The following UBE4A variants were observed in gnomAD, a reference collection of about 807,000 sequenced individuals.
UBE4A encodes ubiquitination factor E4A.
UBE4A carries 48 observed loss-of-function variants against 117.9 expected under a neutral mutation model. The observed-to-expected ratio is 0.41, with a 90% confidence interval of 0.32 to 0.52. The LOEUF is 0.52. Ranked by LOEUF, UBE4A falls within the 20% of genes least tolerant of loss-of-function variation. The pLI, the probability that UBE4A is intolerant of heterozygous loss-of-function variation, is 0.33. For missense variants in UBE4A, 1,067 were observed against 1,296.3 expected, an observed-to-expected ratio of 0.82 and a Z score of 2.72; for synonymous variants, 407 against 450.0, an observed-to-expected ratio of 0.90 and a Z score of 1.21.
chr11:118,395,829 C>G (rs1173973991), intron 19 of UBE4A, among the ~76,000 whole-genome samples: 3 of 152,286 alleles, frequency 2.0e-5, no homozygotes, highest in African/African-American at 7.2e-5. Flanking sequence ...TCCCAGCGCA[C>G]TTTGGGAGGC....
chr11:118,382,769 A>G lies in UBE4A; in HGVS notation c.2190A>G (p.Glu730=), dbSNP rs781822596. 3.8e-6 allele frequency: 6 copies of G among 1,584,070 alleles called. No individual in the cohort carries two copies. The highest frequency in any genetic ancestry group is 4.3e-6 in the Non-Finnish European group (5 of 1,160,036). The change falls in exon 13 of 20, where the codon GAA becomes GAG. Residue 730 remains glutamate (E), a synonymous_variant. Coordinates refer to ENST00000252108, the MANE Select transcript of UBE4A (RefSeq NM_001204077.2). ...TAATCAAGGTTTTTGTGGACATCGAATTTACAGGTAAAGCAGTCATGAAGC... is the reference window on the plus strand; with the variant it reads ...TAATCAAGGTTTTTGTGGACATCGAGTTTACAGGTAAAGCAGTCATGAAGC... The part of the protein sequence containing the change: ...EALIKVFVDI[E]FTGDPHQFEQ...
chr11:118,388,983 A>AT (rs1339101095), intron 16 of UBE4A, among the ~76,000 whole-genome samples: 2 of 151,950 alleles, frequency 1.3e-5, no homozygotes, highest in African/African-American at 4.8e-5. Flanking sequence ...ATAAAAAATA[A>AT]TTTTTTTAAA....
At chr11:118,389,657 A>C in intron 16 of UBE4A, 68 bp from the exon 17 acceptor site, 1 of 1,380,690 alleles carries the variant, frequency 7.2e-7, no homozygotes, top group Non-Finnish European at 9.6e-7. Flanking sequence ...GTCTCCAAAT[A>C]AACTATACCT....
chr11:118,388,613 C>T lies in UBE4A; in HGVS notation c.2588-1112C>T, dbSNP rs941538914. On this transcript the variant is annotated intron_variant, in intron 16 of 19. Coordinates refer to ENST00000252108, the MANE Select transcript of UBE4A (RefSeq NM_001204077.2). ...GCAGTGAGCAGAGATCACGCCACTG[C>T]GCTCCAGCCTAGGCAACAGAATGAG... Among the ~76,000 whole-genome samples the T allele has an allele frequency of 6.6e-5, 10 of 150,440 alleles. No individual in the cohort carries two copies. In the East Asian group the frequency reaches 9.7e-4, roughly 15 times the overall value.
At position 118,384,616 on chromosome 11, in the gene UBE4A, C is replaced by T. The variant is rs187122093; in HGVS notation, c.2198-19C>T. On this transcript the variant is annotated intron_variant, in intron 13 of 19. Coordinates refer to ENST00000252108, the MANE Select transcript of UBE4A (RefSeq NM_001204077.2). ...TATGGCACCGCCTTTGCTGATATTTCGCTCTTGCCTTACTCCAGGAGACCC... is the reference window on the plus strand; with the variant it reads ...TATGGCACCGCCTTTGCTGATATTTTGCTCTTGCCTTACTCCAGGAGACCC... The T allele has an allele frequency of 1.1e-5, 18 of 1,606,710 alleles. No individual in the cohort carries two copies. The highest frequency in any genetic ancestry group is 2.2e-5 in the East Asian group (1 of 44,848).
chr11:118,387,409 G>C (rs1439908383), intron 16 of UBE4A, among the ~76,000 whole-genome samples: 4 of 152,130 alleles, frequency 2.6e-5, no homozygotes, highest in African/African-American at 4.8e-5. Context: ...CAGTAAAGGA[G>C]TTAGAAGATA....
intron 15 of UBE4A, 59 bp from the exon 16 acceptor site, chr11:118,386,379 G>A (rs1555127235): frequency 6.5e-6 from 10 of 1,542,972 alleles, no homozygotes. Context: ...CCTCTTAAAT[G>A]TCACGTCCCT....
intron 2 of UBE4A, among the ~76,000 whole-genome samples, chr11:118,367,538 T>G (rs1185414438): frequency 3.1e-5 from 4 of 129,684 alleles, no homozygotes; most frequent in African/African-American, 1.2e-4. Flanking sequence ...TTTTTTTTTT[T>G]GAGACGAAGT....
chr11:118,395,289 A>C (rs1488409940), intron 19 of UBE4A, among the ~76,000 whole-genome samples: 1 of 151,568 alleles, frequency 6.6e-6, no homozygotes, highest in Admixed American at 6.6e-5. Flanking sequence ...AGATCACGCC[A>C]CTGCAACTCC....
intron 5 of UBE4A, among the ~76,000 whole-genome samples, chr11:118,371,929 T>G (rs1948613472): frequency 6.6e-6 from 1 of 152,146 alleles, no homozygotes; most frequent in South Asian, 2.1e-4. Context: ...ATGCCTCCTA[T>G]TCTCTCTAAA....
intron 11 of UBE4A, 108 bp from the exon 12 acceptor site, chr11:118,381,283 A>AG (rs1555126298): frequency 1.5e-6 from 2 of 1,367,108 alleles, no homozygotes; most frequent in African/African-American, 2.9e-5. Flanking sequence ...CAAAACATTT[A>AG]GGGTTTTTTT....
intron 9 of UBE4A, among the ~76,000 whole-genome samples, chr11:118,375,737 T>G (rs1948647492): frequency 6.6e-6 from 1 of 152,130 alleles, no homozygotes; most frequent in South Asian, 2.1e-4. Context: ...TAGTGAGACC[T>G]TCTCTCTGGA....
intron 10 of UBE4A, chr11:118,378,364 CAA>C (rs1218413622): frequency 6.6e-6 from 1 of 151,850 alleles, no homozygotes; most frequent in Non-Finnish European, 1.5e-5. Flanking sequence ...AATAGGACCA[CAA>C]AAGACATTAG....
At chr11:118,376,549 C>CCT in intron 9 of UBE4A, 25 bp from the exon 10 acceptor site, 1 of 1,374,832 alleles carries the variant, frequency 7.3e-7, no homozygotes, top group East Asian at 2.6e-5. Context: ...CATTTACCCT[C>CCT]TTTTTTTTTT....
At chr11:118,369,297 T>C (rs917568030) in intron 3 of UBE4A, 126 bp from the exon 4 acceptor site, 5 of 656,178 alleles carry the variant, frequency 7.6e-6, no homozygotes, top group African/African-American at 7.3e-5. Context: ...TGTTGCTTTG[T>C]GTATCAGGAT....
In UBE4A at chr11:118,396,387, A is replaced by G. The variant is rs202006747; in HGVS notation, c.3148A>G (p.Lys1050Glu). The G allele has an allele frequency of 2.3e-4, 374 of 1,614,016 alleles. 5 individuals carry two copies. In the South Asian group the frequency reaches 3.4e-3, roughly 15 times the overall value. ...QIRPNTELKE[K>E]IQRWLAERKQ... Reference sequence around the variant, plus strand: ...CCGGCCAAACACAGAACTAAAAGAAAAAATCCAACGGTGGCTTGCAGAGAG... The same window carrying G: ...CCGGCCAAACACAGAACTAAAAGAAGAAATCCAACGGTGGCTTGCAGAGAG... Residue 1050 changes from lysine (K) to glutamate (E), a missense_variant, in exon 20 of 20, where the codon AAA becomes GAA. Coordinates refer to ENST00000252108, the MANE Select transcript of UBE4A (RefSeq NM_001204077.2).
rs1555126549 is a variant in UBE4A at position 118,382,720 on chromosome 11, A to G, written c.2141A>G (p.Tyr714Cys). The G allele has an allele frequency of 6.2e-7, 1 of 1,603,682 alleles. No individual in the cohort carries two copies. The highest frequency in any genetic ancestry group is 1.1e-5 in the South Asian group (1 of 88,992). The change falls in exon 13 of 20, where the codon TAT becomes TGT. Residue 714 changes from tyrosine (Y) to cysteine (C), a missense_variant. Transcript: ENST00000252108. The part of the protein sequence containing the change: ...HRKRVFCNFQ[Y>C]APQLAEALIK... ...AAACGTGTGTTCTGCAACTTTCAGT[A>G]TGCACCCCAACTTGCAGAGGCTCTA...
chr11:118,387,428 A>G (rs1179232284), intron 16 of UBE4A, among the ~76,000 whole-genome samples: 1 of 152,204 alleles, frequency 6.6e-6, no homozygotes, highest in Non-Finnish European at 1.5e-5. Context: ...TATAAATTCA[A>G]GGAACTCTTC....
At chr11:118,395,051 G>T (rs1555129329) in intron 19 of UBE4A, among the ~76,000 whole-genome samples, 1 of 152,154 alleles carries the variant, frequency 6.6e-6, no homozygotes, top group African/African-American at 2.4e-5. Flanking sequence ...TTTTTGGCCA[G>T]GTGCAGTGGC....
Sources: allele counts gnomAD v4.1 joint callset (sites outside exome capture counted in the v4.1 genomes callset), GRCh38; gene constraint gnomAD v4.1.1; transcripts MANE v1.5; gene names NCBI Gene and HGNC (gene_info 2026-07-23, HGNC 2026-07-21).